MBD5: variants seen among roughly 807,000 people sequenced by gnomAD.
MBD5 encodes the protein methyl-CpG binding domain protein 5.
MBD5 carries 13 observed loss-of-function variants against 117.3 expected under a neutral mutation model. The observed-to-expected ratio is 0.11, with a 90% CI of 0.07 to 0.18. The LOEUF (loss-of-function observed/expected upper bound fraction) is 0.18. Ranked by LOEUF, MBD5 falls within the 10% of genes least tolerant of loss-of-function variation. MBD5 has a pLI of 1.00. For synonymous variants in MBD5, 727 were observed against 766.4 expected (o/e 0.95, Z 0.85); for missense variants, 1,879 against 2,093.8 (o/e 0.90, Z 2.00).
intron 1 of MBD5, among the ~76,000 whole-genome samples, chr2:148,138,806 G>C (rs1697234073): frequency 6.6e-6 from 1 of 152,178 alleles, no homozygotes; most frequent in Admixed American, 6.5e-5. Context: ...AACTCCACAA[G>C]ATAAATCCTT....
chr2:148,316,263 A>G lies in MBD5; in HGVS notation c.-679-25951A>G, dbSNP rs373954759. On this transcript the variant is annotated intron_variant, in intron 3 of 13. Coordinates refer to ENST00000642680, the MANE Select transcript of MBD5 (RefSeq NM_001378120.1). ...ATCACAACACCTGCTTTTCCTGACT[A>G]CCCCAATCAGGACTCTGAATTCCTA... 2.5e-4 allele frequency among the ~76,000 whole-genome samples: 38 copies of G among 152,242 alleles called. 1 individual carries two copies. In the East Asian group the frequency reaches 6.9e-3, roughly 28 times the overall value.
At chr2:148,511,730 C>G (rs1343215272) in intron 13 of MBD5, among the ~76,000 whole-genome samples, 1 of 152,108 alleles carries the variant, frequency 6.6e-6, no homozygotes, top group South Asian at 2.1e-4. Context: ...AGTTTTGGCT[C>G]TTTACTACAG....
chr2:148,370,576 C>T (rs1289380385), intron 4 of MBD5, among the ~76,000 whole-genome samples: 1 of 152,126 alleles, frequency 6.6e-6, no homozygotes, highest in Non-Finnish European at 1.5e-5. Context: ...GCAACCTCTG[C>T]CCACTGGGCT....
chr2:148,227,732 C>T (rs920632321), intron 2 of MBD5, among the ~76,000 whole-genome samples: 27 of 152,294 alleles, frequency 1.8e-4, no homozygotes, highest in Admixed American at 4.6e-4. Context: ...CATATTGATT[C>T]TTCCTACCCA....
chr2:148,242,384 A>G (rs1209408003), intron 3 of MBD5, among the ~76,000 whole-genome samples: 1 of 151,734 alleles, frequency 6.6e-6, no homozygotes, highest in Non-Finnish European at 1.5e-5. Flanking sequence ...ACACATATAT[A>G]TATATATTCA....
At chr2:148,179,723 T>A (rs1345128426) in intron 2 of MBD5, among the ~76,000 whole-genome samples, 2 of 152,134 alleles carry the variant, frequency 1.3e-5, no homozygotes, top group African/African-American at 4.8e-5. Flanking sequence ...AAATTTCAAG[T>A]GAGATACAAG....
chr2:148,220,704 A>G (rs144708062), intron 2 of MBD5, among the ~76,000 whole-genome samples: 31 of 152,320 alleles, frequency 2.0e-4, no homozygotes, highest in African/African-American at 7.2e-4. Context: ...CACATCATGT[A>G]AAATGGGATA....
chr2:148,309,550 C>T (rs868344705), intron 3 of MBD5, among the ~76,000 whole-genome samples: 4 of 152,108 alleles, frequency 2.6e-5, no homozygotes, highest in Admixed American at 6.6e-5. Flanking sequence ...TGGGCTGAGA[C>T]AATGGGGTTT....
intron 1 of MBD5, among the ~76,000 whole-genome samples, chr2:148,088,768 A>G (rs1347312315): frequency 2.6e-5 from 4 of 152,306 alleles, no homozygotes; most frequent in African/African-American, 9.6e-5. Flanking sequence ...TAAAGCATAA[A>G]TCTCACAGAA....
chr2:148,115,269 A>G (rs902461861), intron 1 of MBD5, among the ~76,000 whole-genome samples: 4 of 152,196 alleles, frequency 2.6e-5, no homozygotes, highest in Admixed American at 6.5e-5. Flanking sequence ...TTTTCACAAA[A>G]TAAATATTTC....
chr2:148,203,176 A>T (rs141784286), intron 2 of MBD5, among the ~76,000 whole-genome samples: 1 of 152,238 alleles, frequency 6.6e-6, no homozygotes, highest in African/African-American at 2.4e-5. Flanking sequence ...AATGATTAGG[A>T]AAGTTCACAA....
rs755361381 is a variant in MBD5, at chr2:148,021,483, GCTGCTGCTGCTGCTA to G, written c.-1099_-1085del. 9.1e-4 allele frequency: 515 copies of G among 565,638 alleles called. 1 individual carries two copies. Among genetic ancestry groups the G allele is most frequent in the South Asian group, 2.4e-3 (157 of 65,758 alleles). 35.0% of individuals were successfully genotyped at this position (565,638 alleles called of 1,614,324 possible). ...TGCTGTTGCTGCTGCTGCTGCTGTT[GCTGCTGCTGCTGCTA>G]CTGCTGCTGCTGCTACTGCTGCTGC... On this transcript the variant is annotated 5_prime_UTR_variant, in exon 1 of 14. Transcript: ENST00000642680.
At chr2:148,197,061 A>G (rs1345577748) in intron 2 of MBD5, among the ~76,000 whole-genome samples, 1 of 152,142 alleles carries the variant, frequency 6.6e-6, no homozygotes, top group Non-Finnish European at 1.5e-5. Context: ...CAAGAGGTAG[A>G]TTCCATTTCC....
intron 4 of MBD5, among the ~76,000 whole-genome samples, chr2:148,366,206 A>G (rs1703690956): frequency 6.6e-6 from 1 of 152,198 alleles, no homozygotes; most frequent in Non-Finnish European, 1.5e-5. Context: ...CATGACATAA[A>G]TAGAACAAAT....
At chr2:148,219,814 A>T (rs554753846) in intron 2 of MBD5, 2 of 152,332 alleles carry the variant, frequency 1.3e-5, no homozygotes, top group South Asian at 4.1e-4. Context: ...TAAACAAATA[A>T]ACATGCTTAA....
chr2:148,445,741 A>G (rs554351040), intron 4 of MBD5, among the ~76,000 whole-genome samples: 94 of 151,502 alleles, frequency 6.2e-4, no homozygotes, highest in Middle Eastern at 3.4e-3. Context: ...GAACTAGTTT[A>G]CAGTCCCACC....
chr2:148,177,257 A>G (rs114929387), intron 1 of MBD5, among the ~76,000 whole-genome samples: 1,873 of 152,310 alleles, frequency 0.012, 45 homozygotes, highest in African/African-American at 0.043. Context: ...TGTGTGCTTT[A>G]GATCACAATT....
At chr2:148,141,983 A>G (rs1243106433) in intron 1 of MBD5, among the ~76,000 whole-genome samples, 1 of 151,914 alleles carries the variant, frequency 6.6e-6, no homozygotes, top group African/African-American at 2.4e-5. Context: ...CTCAATAATA[A>G]TAATAATAAA....
In MBD5 at chr2:148,483,686, C is replaced by A; in HGVS notation, c.3095C>A (p.Pro1032Gln). 2 of 1,550,688 alleles carry A rather than the reference C, an allele frequency of 1.3e-6. No homozygotes were observed. Among genetic ancestry groups the A allele is most frequent in the Non-Finnish European group, 8.7e-7 (1 of 1,146,996 alleles). Residue 1032 changes from proline (P) to glutamine (Q), a missense_variant, in exon 9 of 14, where the codon CCA becomes CAA. Pro to Gln is a moderately conservative substitution (Grantham distance 76). Around this residue, in one of 4 missense-constraint regions of MBD5, gnomAD observed 1,666 missense variants for 1,792.2 expected, o/e 0.93. Coordinates refer to ENST00000642680, the MANE Select transcript of MBD5 (RefSeq NM_001378120.1). The stretch of plus-strand genomic sequence containing the variant: ...CCCTCATTAACACAGATGACAGCCC[C>A]ACCAGACCATTTGCCAAGCAATCAG... ...PLPSLTQMTAPPDHLPSNQSD... is the reference protein window; with the variant it reads ...PLPSLTQMTAQPDHLPSNQSD...
Sources: allele counts gnomAD v4.1 joint callset (sites outside exome capture counted in the v4.1 genomes callset), GRCh38; gene constraint gnomAD v4.1.1; regional missense constraint gnomAD v4.1.1; transcripts MANE v1.5; gene names NCBI Gene and HGNC (gene_info 2026-07-23, HGNC 2026-07-21).